The following UBXN7 variants were observed in gnomAD, a reference collection of about 807,000 sequenced individuals.
The protein encoded by UBXN7 is UBX domain-containing protein 7.
Under a neutral mutation model 58.0 loss-of-function variants are expected in UBXN7, and 9 were observed. The observed-to-expected ratio is 0.16, with a 90% CI of 0.09 to 0.27. UBXN7 has a LOEUF of 0.27. Among genes scored for constraint, UBXN7 ranks in the 10% least tolerant of loss-of-function variants. The pLI is 1.00. For synonymous variants in UBXN7, 208 were observed against 205.0 expected (o/e 1.01, Z -0.12); for missense variants, 328 against 599.6 (o/e 0.55, Z 4.73).
intron 10 of UBXN7, among the ~76,000 whole-genome samples, chr3:196,360,613 C>G (rs963414882): frequency 6.6e-6 from 1 of 152,232 alleles, no homozygotes; most frequent in African/African-American, 2.4e-5. Flanking sequence ...TGACAACGCA[C>G]CTAGTCACGT....
chr3:196,393,426 T>C, intron 4 of UBXN7, 128 bp downstream of exon 4: 1 of 861,630 alleles, frequency 1.2e-6, no homozygotes, highest in Non-Finnish European at 1.8e-6. Flanking sequence ...TTAATCACAT[T>C]CTGGATCCAT....
chr3:196,361,986 T>A, intron 9 of UBXN7, 63 bp from the exon 10 acceptor site: 1 of 1,427,860 alleles, frequency 7.0e-7, no homozygotes. Context: ...AGAATATTAG[T>A]TTAAATAAAT....
At position 196,387,895 on chromosome 3, in the gene UBXN7, A is replaced by C. The variant is rs184003033; in HGVS notation, c.468+3918T>G. On this transcript the variant is annotated intron_variant, in intron 5 of 10. Coordinates refer to ENST00000296328, the MANE Select transcript of UBXN7 (RefSeq NM_015562.2). The stretch of plus-strand genomic sequence containing the variant: ...TGGAAGACAGTGTGGCGATTCCTCA[A>C]GGATCTAGAACTAGAATTACCATTT... 5.7e-3 allele frequency among the ~76,000 whole-genome samples: 861 copies of C among 152,264 alleles called. 5 individuals carry two copies. Among genetic ancestry groups the C allele is most frequent in the African/African-American group, 0.02 (813 of 41,562 alleles).
At chr3:196,395,046 C>A (rs775686804) in intron 3 of UBXN7, among the ~76,000 whole-genome samples, 13 of 152,146 alleles carry the variant, frequency 8.5e-5, no homozygotes, top group Non-Finnish European at 1.5e-4. Flanking sequence ...CATTTATGTA[C>A]ATTACAATAA....
At position 196,352,969 on chromosome 3, in the gene UBXN7, C is replaced by A. The variant is rs1728252518; in HGVS notation, c.*3716G>T. On this transcript the variant is annotated 3_prime_UTR_variant, in exon 11 of 11. Transcript: ENST00000296328. This position sits in a 1 kb window ranked among gnomAD's most constrained non-coding sequence, Gnocchi z 4.1. ...ATTCTTGGCAAATAATGCCACGTGGCAATTTTACTTTCACATCTTCACCAG... is the reference window on the plus strand; with the variant it reads ...ATTCTTGGCAAATAATGCCACGTGGAAATTTTACTTTCACATCTTCACCAG... 6.6e-6 allele frequency: 1 copy of A among 152,126 alleles called. No homozygotes were observed. Among genetic ancestry groups the A allele is most frequent in the Non-Finnish European group, 1.5e-5 (1 of 68,022 alleles). The allele number at this position is 152,126 out of a possible 1,614,324, so 9.4% of individuals were successfully genotyped here.
intron 1 of UBXN7, among the ~76,000 whole-genome samples, chr3:196,410,198 C>T (rs1730282366): frequency 6.6e-6 from 1 of 152,070 alleles, no homozygotes; most frequent in Non-Finnish European, 1.5e-5. Flanking sequence ...CCTTGGCCTC[C>T]CAAAGTGCAG....
intron 5 of UBXN7, among the ~76,000 whole-genome samples, chr3:196,386,897 T>C (rs1157602534): frequency 6.6e-6 from 1 of 152,186 alleles, no homozygotes; most frequent in South Asian, 2.1e-4. Flanking sequence ...AGAGCCCACA[T>C]TGCCAAGACA....
chr3:196,404,116 T>C (rs985249928), intron 2 of UBXN7, among the ~76,000 whole-genome samples: 1 of 151,628 alleles, frequency 6.6e-6, no homozygotes, highest in African/African-American at 2.4e-5. Flanking sequence ...AAAAAATTAC[T>C]TTGTTTTACA....
chr3:196,363,705 G>A (rs1393575256), intron 8 of UBXN7, among the ~76,000 whole-genome samples: 1 of 152,086 alleles, frequency 6.6e-6, no homozygotes. Context: ...GAGGCGGGCA[G>A]ATCACCTGAG....
intron 1 of UBXN7, among the ~76,000 whole-genome samples, chr3:196,420,801 A>T (rs572356070): frequency 6.6e-6 from 1 of 152,178 alleles, no homozygotes; most frequent in South Asian, 2.1e-4. Context: ...TCATGCTGCT[A>T]TCTCCTAGTT....
Position 196,432,307 on chromosome 3 carries a change from C to G in UBXN7, c.73+20G>C, listed in dbSNP as rs760301402. On this transcript the variant is annotated intron_variant, in intron 1 of 10. Transcript: ENST00000296328. ...CGCTCCGGACCCCACTCTCCACCTT[C>G]CGGTAACCGCGTCTCTTACCGGTAA... The G allele has an allele frequency of 1.2e-6, 2 of 1,613,372 alleles. No individual in the cohort carries two copies. The highest frequency in any genetic ancestry group is 1.7e-5 in the Admixed American group (1 of 60,008).
chr3:196,382,334 C>T (rs558454915), intron 5 of UBXN7, among the ~76,000 whole-genome samples: 6 of 152,244 alleles, frequency 3.9e-5, no homozygotes, highest in Admixed American at 1.3e-4. Flanking sequence ...GGCCAATATT[C>T]GACATTCTTA....
intron 1 of UBXN7, among the ~76,000 whole-genome samples, chr3:196,417,597 G>A (rs1730536030): frequency 6.6e-6 from 1 of 151,592 alleles, no homozygotes; most frequent in Non-Finnish European, 1.5e-5. Flanking sequence ...ACTTCATGAA[G>A]TGCTACCATG....
chr3:196,357,433 A>C (rs1412749646), intron 10 of UBXN7, among the ~76,000 whole-genome samples: 5 of 152,184 alleles, frequency 3.3e-5, no homozygotes, highest in African/African-American at 1.2e-4. Context: ...TTCACAGGCT[A>C]AGCTAAGCTA....
rs758863195 is a variant in UBXN7 at position 196,432,338 on chromosome 3, G to A, written c.62C>T (p.Thr21Ile). The A allele has an allele frequency of 1.3e-4, 211 of 1,612,074 alleles. No homozygotes were observed. Among genetic ancestry groups the A allele is most frequent in the Non-Finnish European group, 1.6e-4 (186 of 1,179,006 alleles). Reference protein sequence around the residue: ...SALKGLIQQFTTITGASESVG... With the variant: ...SALKGLIQQFITITGASESVG... ...ACCGCGTCTCTTACCGGTAATGGTG[G>A]TGAACTGTTGAATTAACCCCTTCAG... The change falls in exon 1 of 11, where the codon ACC becomes ATC. Residue 21 changes from threonine to isoleucine, a missense_variant. By Grantham distance (89) the Thr-to-Ile change is moderately conservative (BLOSUM62 -1). This residue lies in a region of UBXN7 where 106 missense variants were observed against 124.3 expected (regional missense o/e 0.85). Coordinates refer to ENST00000296328, the MANE Select transcript of UBXN7 (RefSeq NM_015562.2).
In UBXN7 at chr3:196,353,076, A is replaced by G. The variant is rs1728254506; in HGVS notation, c.*3609T>C. On this transcript the variant is annotated 3_prime_UTR_variant, in exon 11 of 11. Coordinates refer to ENST00000296328, the MANE Select transcript of UBXN7 (RefSeq NM_015562.2). ...TGTATAGGCATAGTGCAAATCCCAC[A>G]ACTTTAACCCAACTACTTCCTCTAT... is the stretch of plus-strand genomic sequence containing the variant. 6.6e-6 allele frequency: 1 copy of G among 152,218 alleles called. No homozygotes were observed. Among genetic ancestry groups the G allele is most frequent in the South Asian group, 2.1e-4 (1 of 4,834 alleles). The allele number at this position is 152,218 out of a possible 1,614,324, so 9.4% of individuals were successfully genotyped here.
At position 196,350,890 on chromosome 3, in the gene UBXN7, A is replaced by C. The variant is rs938136429; in HGVS notation, c.*5795T>G. On this transcript the variant is annotated 3_prime_UTR_variant, in exon 11 of 11. Coordinates refer to ENST00000296328, the MANE Select transcript of UBXN7 (RefSeq NM_015562.2). ...AATAACTGAAAAGCTAAGCCAGGCA[A>C]TCCAGTGAAGTTGAATGTCCATAGT... 4.6e-5 allele frequency: 7 copies of C among 152,236 alleles called. No homozygotes were observed. The highest frequency in any genetic ancestry group is 1.0e-4 in the Non-Finnish European group (7 of 68,042). The allele number at this position is 152,236 out of a possible 1,614,324, so 9.4% of individuals were successfully genotyped here. A position where few individuals can be genotyped will look rare whatever the true frequency, so the allele number is the denominator to read the frequency against.
At chr3:196,373,310 G>A (rs1330159147) in intron 5 of UBXN7, among the ~76,000 whole-genome samples, 2 of 152,136 alleles carry the variant, frequency 1.3e-5, no homozygotes, top group Admixed American at 1.3e-4. Context: ...ACAACTCTAC[G>A]ATTCGTACAA....
rs1210195897 is a variant in UBXN7 at position 196,348,869 on chromosome 3, G to A, written c.*7816C>T. ...GCACAGAGCCTGCACAGACACTGCT[G>A]AGAGTTTCCAGGGAACAATCAATAC... On this transcript the variant is annotated 3_prime_UTR_variant, in exon 11 of 11. Coordinates refer to ENST00000296328, the MANE Select transcript of UBXN7 (RefSeq NM_015562.2). 1 of 152,168 alleles carries A rather than the reference G, an allele frequency of 6.6e-6. No homozygotes were observed. Among genetic ancestry groups the A allele is most frequent in the Non-Finnish European group, 1.5e-5 (1 of 68,056 alleles). 9.4% of individuals were successfully genotyped at this position (152,168 alleles called of 1,614,324 possible).
Sources: gnomAD v4.1 joint callset for allele counts (sites outside exome capture counted in the v4.1 genomes callset) on GRCh38, gnomAD v4.1.1 for gene constraint, gnomAD v4.1.1 regional missense constraint, Gnocchi (gnomAD v3.1) non-coding constraint, MANE v1.5 for transcripts, NCBI Gene and HGNC (gene_info 2026-07-23, HGNC 2026-07-21) for gene names.